SASH1: variants seen among roughly 807,000 people sequenced by gnomAD.
SASH1 encodes the protein SAM and SH3 domain-containing protein 1.
In SASH1, 44 loss-of-function variants were observed where a neutral mutation model predicts 125.2. That is an observed-to-expected ratio of 0.35 (90% CI 0.28 to 0.45). SASH1 has a LOEUF of 0.45. SASH1 is among the 20% of genes least tolerant of loss of function. The probability of loss-of-function intolerance (pLI) is 1.00; values close to 1 mark genes in which losing one functional copy is unlikely to be tolerated. For missense variants in SASH1, 1,426 were observed against 1,614.5 expected, an observed-to-expected ratio of 0.88 and a Z score of 2.00; for synonymous variants, 639 against 649.1, an observed-to-expected ratio of 0.98 and a Z score of 0.24.
At position 148,525,132 on chromosome 6, in the gene SASH1, C is replaced by G. The variant is rs1583300802; in HGVS notation, c.1210-159C>G. ...TGAGTGAAGTTTCCTTACGACATGA[C>G]TCATGTGTTTTTTTCTCATCATTTC... On this transcript the variant is annotated intron_variant, in intron 10 of 19. Coordinates refer to ENST00000367467, the MANE Select transcript of SASH1 (RefSeq NM_015278.5). 1.7e-5 allele frequency: 11 copies of G among 634,256 alleles called. No homozygotes were observed. The East Asian group carries it at 2.9e-4, about 17-fold the overall frequency. The allele number at this position is 634,256 out of a possible 1,614,324, so 39.3% of individuals were successfully genotyped here.
rs1357381257 is a variant in SASH1, at chr6:148,394,042, G to A, written c.285+3780G>A. On this transcript the variant is annotated intron_variant, in intron 2 of 19. Coordinates refer to ENST00000367467, the MANE Select transcript of SASH1 (RefSeq NM_015278.5). ...CAAGTAGCTGGGATTACAGGTGCCCGCTACCACGCCTGGCTAATTTTTGTA... is the reference window on the plus strand; with the variant it reads ...CAAGTAGCTGGGATTACAGGTGCCCACTACCACGCCTGGCTAATTTTTGTA... 7.9e-5 allele frequency among the ~76,000 whole-genome samples: 12 copies of A among 151,716 alleles called. No individual in the cohort carries two copies. In the South Asian group the frequency reaches 1.0e-3, roughly 13 times the overall value.
chr6:148,357,017 A>G (rs28584927), intron 1 of SASH1, among the ~76,000 whole-genome samples: 54 of 151,974 alleles, frequency 3.6e-4, no homozygotes, highest in Non-Finnish European at 7.6e-4. Flanking sequence ...TACTTAGCCC[A>G]CTTTTTGATG....
chr6:148,265,062 TA>T, the SASH1 span, among the ~76,000 whole-genome samples: 1 of 152,234 alleles, frequency 6.6e-6, no homozygotes, highest in Non-Finnish European at 1.5e-5. Context: ...TTGTAGTATA[TA>T]TAATAGAATA....
chr6:148,394,101 T>C (rs1783848105), intron 2 of SASH1, among the ~76,000 whole-genome samples: 1 of 151,846 alleles, frequency 6.6e-6, no homozygotes, highest in African/African-American at 2.4e-5. Context: ...CCATGTTGGC[T>C]AGGGTGGCCT....
chr6:148,247,101 G>T, the SASH1 span, among the ~76,000 whole-genome samples: 2 of 152,186 alleles, frequency 1.3e-5, no homozygotes, highest in Non-Finnish European at 2.9e-5. Context: ...CATGGTCCAT[G>T]GACTAGCTTC....
intron 1 of SASH1, among the ~76,000 whole-genome samples, chr6:148,273,007 C>T (rs1779100639): frequency 6.6e-6 from 1 of 152,074 alleles, no homozygotes; most frequent in East Asian, 1.9e-4. Flanking sequence ...TGCCTATAAT[C>T]CCAGAACTTT....
chr6:148,317,417 GA>G (rs1324365772), intron 1 of SASH1, among the ~76,000 whole-genome samples: 2 of 152,054 alleles, frequency 1.3e-5, no homozygotes, highest in African/African-American at 2.4e-5. Context: ...AAATATTGAG[GA>G]AAAAAATTTT....
At chr6:148,446,322 A>G (rs957114601) in intron 4 of SASH1, among the ~76,000 whole-genome samples, 14 of 151,900 alleles carry the variant, frequency 9.2e-5, no homozygotes, top group African/African-American at 1.2e-4. Flanking sequence ...GTTAGCCAGG[A>G]TGGTCTTGAT....
In SASH1 at chr6:148,278,072, G is replaced by A. The variant is rs979391307; in HGVS notation, n.74+5695G>A. On this transcript the variant is annotated intron_variant and non_coding_transcript_variant, in intron 1 of 3. Coordinates refer to the SASH1 transcript ENST00000367469. ...TTTTGTTTTTTTGAGACGGAGTCTCGCTCTCTCACCCAGGCTGGAGTGCAG... is the reference window on the plus strand; with the variant it reads ...TTTTGTTTTTTTGAGACGGAGTCTCACTCTCTCACCCAGGCTGGAGTGCAG... Among the ~76,000 whole-genome samples, 34 of 150,764 alleles carry A rather than the reference G, an allele frequency of 2.3e-4. 1 individual carries two copies. Among genetic ancestry groups the A allele is most frequent in the Non-Finnish European group, 5.9e-5 (4 of 67,824 alleles).
At chr6:148,517,520 G>A (rs950141489) in intron 9 of SASH1, among the ~76,000 whole-genome samples, 1 of 152,162 alleles carries the variant, frequency 6.6e-6, no homozygotes, top group East Asian at 1.9e-4. Flanking sequence ...TGGGAGAAGC[G>A]ATGCTCCAAG....
At chr6:148,384,998 T>C (rs761604075) in intron 1 of SASH1, among the ~76,000 whole-genome samples, 14 of 152,214 alleles carry the variant, frequency 9.2e-5, no homozygotes, top group Non-Finnish European at 2.1e-4. Flanking sequence ...AGATTCTTTT[T>C]GTGGGATGGC....
At chr6:148,449,079 T>TTTTTCTTTTTTTTTTTTC (rs1554258785) in intron 4 of SASH1, among the ~76,000 whole-genome samples, 941 of 61,412 alleles carry the variant, frequency 0.015, 45 homozygotes, top group African/African-American at 0.044. Flanking sequence ...ATTTCATTTC[T>TTTTTCTTTTTTTTTTTTC]TTTTTTTTTT....
At chr6:148,372,386 T>C (rs544415853) in intron 1 of SASH1, among the ~76,000 whole-genome samples, 2 of 152,348 alleles carry the variant, frequency 1.3e-5, no homozygotes, top group East Asian at 3.9e-4. Context: ...AATAAGCTTA[T>C]GTAATTAACA....
chr6:148,318,677 C>T (rs1046044721), intron 1 of SASH1, among the ~76,000 whole-genome samples: 2 of 143,740 alleles, frequency 1.4e-5, no homozygotes, highest in African/African-American at 2.4e-5. Flanking sequence ...CTCAGCCTCA[C>T]GAGTAGCTCG....
At chr6:148,261,747 C>A in the SASH1 span, among the ~76,000 whole-genome samples, 20 of 152,224 alleles carry the variant, frequency 1.3e-4, no homozygotes, top group Admixed American at 2.0e-4. Context: ...GGGGGACAGA[C>A]AACGGGGTTA....
chr6:148,369,081 G>T (rs1340238950), intron 1 of SASH1, among the ~76,000 whole-genome samples: 1 of 152,182 alleles, frequency 6.6e-6, no homozygotes, highest in Non-Finnish European at 1.5e-5. Flanking sequence ...ACGTGCATTG[G>T]CCTGGCAGAG....
the SASH1 span, among the ~76,000 whole-genome samples, chr6:148,202,487 C>T: frequency 1.3e-5 from 2 of 152,166 alleles, no homozygotes; most frequent in Non-Finnish European, 2.9e-5. Context: ...TGCTAGGAGA[C>T]AGGAGGGCTG....
intron 1 of SASH1, among the ~76,000 whole-genome samples, chr6:148,304,794 G>A (rs544021419): frequency 8.5e-5 from 13 of 152,320 alleles, no homozygotes; most frequent in African/African-American, 3.1e-4. Context: ...TTGGGAGGCC[G>A]AGGCAGGCGG....
At chr6:148,361,896 T>C (rs1782224963) in intron 1 of SASH1, among the ~76,000 whole-genome samples, 1 of 149,350 alleles carries the variant, frequency 6.7e-6, no homozygotes, top group Non-Finnish European at 1.5e-5. Context: ...CCAGCATTTC[T>C]TTTTTCTTTT....
Sources: allele counts gnomAD v4.1 joint callset (sites outside exome capture counted in the v4.1 genomes callset), GRCh38; gene constraint gnomAD v4.1.1; transcripts MANE v1.5; gene names NCBI Gene and HGNC (gene_info 2026-07-23, HGNC 2026-07-21).